AMMECR1: variants seen among roughly 807,000 people sequenced by gnomAD.
The protein encoded by AMMECR1 is AMMECR nuclear protein 1.
A neutral mutation model predicts 22.5 loss-of-function variants in AMMECR1; 3 were observed. The ratio of observed to expected loss-of-function variants is 0.13; its 90% CI spans 0.06 to 0.35. AMMECR1 has a LOEUF of 0.35. Ranked by LOEUF, AMMECR1 falls within the 10% of genes least tolerant of loss-of-function variation. The pLI, the probability that AMMECR1 is intolerant of heterozygous loss-of-function variation, is 1.00. For missense variants in AMMECR1, 235 were observed against 278.7 expected, an observed-to-expected ratio of 0.84 and a Z score of 1.12; for synonymous variants, 130 against 116.7, an observed-to-expected ratio of 1.11 and a Z score of -0.74.
At position 110,302,699 on chromosome X, in the gene AMMECR1, C is replaced by T. The variant is rs565593258; in HGVS notation, c.473+14900G>A. Among the ~76,000 whole-genome samples, 13 of 110,221 alleles carry T rather than the reference C, an allele frequency of 1.2e-4. No individual in the cohort carries two copies. In the South Asian group the frequency reaches 4.7e-3, roughly 40 times the overall value. The stretch of plus-strand genomic sequence containing the variant: ...ACCAGCCTGTCCAACATGGTGAAAC[C>T]CCATCTCTACTAAAAATACAAAAAT... On this transcript the variant is annotated intron_variant, in intron 1 of 5. Transcript: ENST00000262844.
chrX:110,233,010 C>G (rs774246273), intron 2 of AMMECR1, among the ~76,000 whole-genome samples: 33 of 102,749 alleles, frequency 3.2e-4, no homozygotes, highest in Non-Finnish European at 6.0e-4. Context: ...GAGAGACACA[C>G]AAAAAAACCC....
At chrX:110,439,451 G>A (rs780444251) in intron 1 of AMMECR1, among the ~76,000 whole-genome samples, 8 of 112,015 alleles carry the variant, frequency 7.1e-5, no homozygotes, top group South Asian at 3.7e-4. Context: ...ATACCCTACC[G>A]CTTAAAACAT....
At chrX:110,291,868 G>A (rs753122964) in intron 1 of AMMECR1, among the ~76,000 whole-genome samples, 22 of 111,394 alleles carry the variant, frequency 2.0e-4, no homozygotes, top group Non-Finnish European at 3.6e-4. Flanking sequence ...CAGTGGCCCC[G>A]AATACACAGA....
intron 1 of AMMECR1, among the ~76,000 whole-genome samples, chrX:110,439,380 G>A (rs748868478): frequency 1.8e-4 from 20 of 112,361 alleles, no homozygotes; most frequent in African/African-American, 5.8e-4. Context: ...TTCTAACTGC[G>A]TTGAGAATTA....
chrX:110,411,495 G>T (rs1176278619), intron 2 of AMMECR1, among the ~76,000 whole-genome samples: 1 of 112,217 alleles, frequency 8.9e-6, no homozygotes. Flanking sequence ...GTTAAAAAGA[G>T]AAACCATTAA....
At chrX:110,257,442 G>A (rs758244105) in intron 2 of AMMECR1, among the ~76,000 whole-genome samples, 2 of 112,284 alleles carry the variant, frequency 1.8e-5, no homozygotes, top group Admixed American at 1.9e-4. Flanking sequence ...ACACTCTTAA[G>A]AGTCCTCTAT....
intron 2 of AMMECR1, among the ~76,000 whole-genome samples, chrX:110,375,017 G>A (rs1304241292): frequency 9.0e-6 from 1 of 111,663 alleles, no homozygotes; most frequent in Non-Finnish European, 1.9e-5. Flanking sequence ...AAGGCTGGGT[G>A]AAGTAATGCA....
intron 2 of AMMECR1, among the ~76,000 whole-genome samples, chrX:110,230,266 A>T (rs1264872527): frequency 8.9e-6 from 1 of 112,151 alleles, no homozygotes; most frequent in Non-Finnish European, 1.9e-5. Flanking sequence ...TCCAACAGAT[A>T]CCTCATATAT....
At chrX:110,200,927 C>T (rs1270049837) in intron 5 of AMMECR1, 27 bp downstream of exon 5, 2 of 1,096,706 alleles carry the variant, frequency 1.8e-6, no homozygotes, top group Admixed American at 2.2e-5. Context: ...TACAGGTTAG[C>T]CTTGTGCTAG....
intron 2 of AMMECR1, among the ~76,000 whole-genome samples, chrX:110,369,136 T>C (rs1352890812): frequency 9.0e-6 from 1 of 111,373 alleles, no homozygotes; most frequent in Non-Finnish European, 1.9e-5. Flanking sequence ...ATTGAGACCA[T>C]CCTGGCTAAC....
At chrX:110,434,913 C>T (rs1226352447) in intron 1 of AMMECR1, among the ~76,000 whole-genome samples, 2 of 109,253 alleles carry the variant, frequency 1.8e-5, no homozygotes, top group Non-Finnish European at 3.8e-5. Flanking sequence ...TGGGGGACAC[C>T]AGCCCGGAGT....
At chrX:110,308,647 C>T (rs770690228) in intron 1 of AMMECR1, among the ~76,000 whole-genome samples, 1 of 111,844 alleles carries the variant, frequency 8.9e-6, no homozygotes, top group African/African-American at 3.2e-5. Flanking sequence ...TAACTACTGA[C>T]TTTCTCTGTA....
chrX:110,294,223 A>T, intron 1 of AMMECR1, among the ~76,000 whole-genome samples: 1 of 112,044 alleles, frequency 8.9e-6, no homozygotes, highest in Non-Finnish European at 1.9e-5. Flanking sequence ...CTCATCCCCG[A>T]GGATGTTGCT....
intron 1 of AMMECR1, among the ~76,000 whole-genome samples, chrX:110,293,790 A>T (rs2067920718): frequency 8.9e-6 from 1 of 111,759 alleles, no homozygotes; most frequent in Middle Eastern, 4.2e-3. Context: ...TTTCCTTTTA[A>T]TCTTAATATC....
intron 2 of AMMECR1, among the ~76,000 whole-genome samples, chrX:110,233,060 A>G (rs1289195579): frequency 9.1e-6 from 1 of 110,012 alleles, no homozygotes; most frequent in Non-Finnish European, 1.9e-5. Context: ...AGTTTTGTGA[A>G]AAGATCAACA....
intron 2 of AMMECR1, among the ~76,000 whole-genome samples, chrX:110,338,093 G>T (rs2068147885): frequency 8.9e-6 from 1 of 112,032 alleles, no homozygotes; most frequent in African/African-American, 3.2e-5. Context: ...ATTGTTTAAT[G>T]GCTACAGAGT....
intron 1 of AMMECR1, among the ~76,000 whole-genome samples, chrX:110,437,372 A>G (rs895011688): frequency 2.7e-5 from 3 of 112,335 alleles, no homozygotes; most frequent in African/African-American, 9.7e-5. Context: ...CTGTACATGC[A>G]TCATCACATT....
intron 2 of AMMECR1, among the ~76,000 whole-genome samples, chrX:110,422,416 T>G (rs2148322296): frequency 8.9e-6 from 1 of 112,671 alleles, no homozygotes; most frequent in South Asian, 3.7e-4. Flanking sequence ...GTTTGCAGAC[T>G]GGAATTTGCA....
At chrX:110,356,713 AG>A (rs2068232186) in intron 2 of AMMECR1, among the ~76,000 whole-genome samples, 1 of 111,302 alleles carries the variant, frequency 9.0e-6, no homozygotes, top group South Asian at 3.8e-4. Context: ...TAGTTTTGAA[AG>A]GAAAAAATAA....
Sources: allele counts gnomAD v4.1 joint callset (sites outside exome capture counted in the v4.1 genomes callset), GRCh38; gene constraint gnomAD v4.1.1; transcripts MANE v1.5; gene names NCBI Gene and HGNC (gene_info 2026-07-23, HGNC 2026-07-21).